The following AKAP13 variants were observed in gnomAD, a reference collection of about 807,000 sequenced individuals.
The protein encoded by AKAP13 is A-kinase anchor protein 13.
A neutral mutation model predicts 264.5 loss-of-function variants in AKAP13; 80 were observed. That is an observed-to-expected ratio of 0.30 (90% CI 0.25 to 0.36). The LOEUF (loss-of-function observed/expected upper bound fraction) is 0.36, where lower values mean the gene tolerates loss of function less well. Ranked by LOEUF, AKAP13 falls within the 10% of genes least tolerant of loss-of-function variation. The probability of loss-of-function intolerance (pLI) is 1.00; values close to 1 mark genes in which losing one functional copy is unlikely to be tolerated. For synonymous variants in AKAP13, 1,380 were observed against 1,250.2 expected (o/e 1.10, Z -2.19); for missense variants, 3,712 against 3,435.2 (o/e 1.08, Z -2.01).
At chr15:85,726,955 TCAAAC>T in intron 27 of AKAP13, 106 bp from the exon 28 acceptor site, 2 of 1,204,336 alleles carry the variant, frequency 1.7e-6, no homozygotes, top group East Asian at 2.4e-5. Context: ...CCCTTGTTTT[TCAAAC>T]TATGTGCTTT....
intron 2 of AKAP13, among the ~76,000 whole-genome samples, chr15:85,519,591 A>G (rs1032668605): frequency 5.3e-5 from 8 of 152,350 alleles, no homozygotes; most frequent in Non-Finnish European, 7.3e-5. Context: ...AAGCTTTTCA[A>G]AAATGTTTCC....
chr15:85,598,743 A>G (rs2079928456), intron 8 of AKAP13, among the ~76,000 whole-genome samples: 1 of 152,112 alleles, frequency 6.6e-6, no homozygotes, highest in African/African-American at 2.4e-5. Context: ...GGTCGTGGGA[A>G]CTCAGAGAAG....
intron 1 of AKAP13, among the ~76,000 whole-genome samples, chr15:85,454,645 G>C (rs2074221282): frequency 6.6e-6 from 1 of 151,846 alleles, no homozygotes. Flanking sequence ...CGTTTAAACT[G>C]TTTAAAAAAA....
intron 1 of AKAP13, among the ~76,000 whole-genome samples, chr15:85,474,234 C>T (rs1343645970): frequency 6.6e-6 from 1 of 152,174 alleles, no homozygotes; most frequent in African/African-American, 2.4e-5. Flanking sequence ...CTCATAAGCC[C>T]ATTATTTTCG....
intron 14 of AKAP13, among the ~76,000 whole-genome samples, chr15:85,681,076 C>T (rs1212336135): frequency 6.6e-6 from 1 of 152,196 alleles, no homozygotes; most frequent in African/African-American, 2.4e-5. Context: ...CCTCTGCCTC[C>T]CAAAGTGTTG....
chr15:85,582,582 T>A (rs2079169449), intron 7 of AKAP13, among the ~76,000 whole-genome samples: 2 of 152,206 alleles, frequency 1.3e-5, no homozygotes, highest in African/African-American at 4.8e-5. Context: ...AGTGGTTTCA[T>A]GAACAGCTGT....
At chr15:85,736,065 T>TA in intron 32 of AKAP13, 25 bp from the exon 33 acceptor site, 1 of 1,549,350 alleles carries the variant, frequency 6.5e-7, no homozygotes, top group Non-Finnish European at 8.9e-7. Context: ...TTCATTTTTT[T>TA]ATATGTATGT....
chr15:85,420,632 T>C (rs1253898546), intron 1 of AKAP13, among the ~76,000 whole-genome samples: 1 of 152,044 alleles, frequency 6.6e-6, no homozygotes, highest in African/African-American at 2.4e-5. Context: ...GCCAGAAAAT[T>C]TTGCTAAGGG....
intron 3 of AKAP13, among the ~76,000 whole-genome samples, chr15:85,526,525 C>T (rs1267354845): frequency 6.6e-6 from 1 of 152,138 alleles, no homozygotes; most frequent in Non-Finnish European, 1.5e-5. Context: ...TCTGCCTCCA[C>T]CTAGCAAAGT....
intron 14 of AKAP13, among the ~76,000 whole-genome samples, chr15:85,671,469 G>C (rs2083928309): frequency 7.8e-6 from 1 of 127,614 alleles, no homozygotes; most frequent in African/African-American, 2.9e-5. Context: ...GAGAGAGAGA[G>C]AAAGACATAA....
chr15:85,555,713 AG>A (rs2078119006), intron 5 of AKAP13, among the ~76,000 whole-genome samples: 1 of 152,214 alleles, frequency 6.6e-6, no homozygotes, highest in South Asian at 2.1e-4. Context: ...TGCGCATGCT[AG>A]GCAAGGTAAG....
intron 29 of AKAP13, among the ~76,000 whole-genome samples, chr15:85,728,694 A>G (rs2087766197): frequency 6.6e-6 from 1 of 152,106 alleles, no homozygotes; most frequent in Non-Finnish European, 1.5e-5. Context: ...CTCAGCACAC[A>G]AGAGTGGTTA....
chr15:85,534,109 G>GA, intron 4 of AKAP13: 1 of 462,842 alleles, frequency 2.2e-6, no homozygotes, highest in Non-Finnish European at 3.8e-6. Context: ...CCCAAGGAGA[G>GA]TGGCACGTCA....
chr15:85,437,405 G>C (rs2073362800), intron 1 of AKAP13, among the ~76,000 whole-genome samples: 2 of 152,150 alleles, frequency 1.3e-5, no homozygotes, highest in Admixed American at 6.5e-5. Flanking sequence ...GGAGGAACTG[G>C]TACCATTCCT....
chr15:85,410,504 T>A (rs2071909897), intron 1 of AKAP13, among the ~76,000 whole-genome samples: 1 of 151,696 alleles, frequency 6.6e-6, no homozygotes, highest in Non-Finnish European at 1.5e-5. Flanking sequence ...GTCCAACTCC[T>A]TCTACCTTGA....
rs1260464662 is a variant in AKAP13 at position 85,719,159 on chromosome 15, C to T, written c.6085C>T (p.Leu2029Phe). The T allele has an allele frequency of 6.2e-7, 1 of 1,614,156 alleles. No individual in the cohort carries two copies. ...CAGCCAGGGGATGATGGCGGATCTG[C>T]TTTTTGAGCAGCAGATGGTAGAAAA... ...VYSQGMMADL[L>F]FEQQMVEKLF... The change falls in exon 23 of 37, where the codon CTT becomes TTT. Residue 2029 changes from leucine to phenylalanine, a missense_variant. Leu to Phe is a conservative substitution (Grantham distance 22). This residue lies in a region of AKAP13 where 342 missense variants were observed against 484.3 expected (regional missense o/e 0.71). Transcript: ENST00000394518.
rs1196761163 is a variant in AKAP13 at position 85,727,037 on chromosome 15, CTT to C, written c.6823-26_6823-25del. Reference sequence around the variant, plus strand: ...CAGAGTTAGAATATTGTATATGTATCTTTTATTTGCCCTCTTCCCTTTTTCCA... The same window carrying C: ...CAGAGTTAGAATATTGTATATGTATCTTATTTGCCCTCTTCCCTTTTTCCA... On this transcript the variant is annotated intron_variant, in intron 27 of 36. Coordinates refer to ENST00000394518, the MANE Select transcript of AKAP13 (RefSeq NM_007200.5). This position sits in a 1 kb window ranked among gnomAD's most constrained non-coding sequence, Gnocchi z 5.3. The C allele has an allele frequency of 3.1e-6, 5 of 1,612,718 alleles. No homozygotes were observed. In the African/African-American group the frequency reaches 6.7e-5, roughly 22 times the overall value.
At chr15:85,443,131 C>G (rs1354695879) in intron 1 of AKAP13, among the ~76,000 whole-genome samples, 2 of 151,664 alleles carry the variant, frequency 1.3e-5, no homozygotes, top group East Asian at 3.9e-4. Context: ...TAGTTCTCCC[C>G]CCACCCCCCA....
At chr15:85,412,961 C>T (rs920142823) in intron 1 of AKAP13, among the ~76,000 whole-genome samples, 5 of 152,128 alleles carry the variant, frequency 3.3e-5, no homozygotes, top group Admixed American at 6.5e-5. Flanking sequence ...AAGGCACTGG[C>T]GGGTCAAGTA....
Sources: gnomAD v4.1 joint callset for allele counts (sites outside exome capture counted in the v4.1 genomes callset) on GRCh38, gnomAD v4.1.1 for gene constraint, gnomAD v4.1.1 regional missense constraint, Gnocchi (gnomAD v3.1) non-coding constraint, MANE v1.5 for transcripts, NCBI Gene and HGNC (gene_info 2026-07-23, HGNC 2026-07-21) for gene names.